Variants in CATSPER3 observed in about 807,000 individuals in gnomAD.
CATSPER3 encodes cation channel sperm-associated protein 3.
A neutral mutation model predicts 36.6 loss-of-function variants in CATSPER3; 23 were observed. That is an observed-to-expected ratio of 0.63 (90% confidence interval 0.45 to 0.89). The LOEUF is 0.89. CATSPER3 is among the 40% of genes least tolerant of loss of function. CATSPER3 has a pLI of 0.00. For missense variants in CATSPER3, 474 were observed against 503.9 expected (o/e 0.94, Z 0.57); for synonymous variants, 172 against 184.1 (o/e 0.93, Z 0.53).
chr5:134,968,050 C>T lies in CATSPER3; in HGVS notation c.59C>T (p.Thr20Ile). 1 of 1,613,954 alleles carries T rather than the reference C, an allele frequency of 6.2e-7. No homozygotes were observed. Among genetic ancestry groups the T allele is most frequent in the Non-Finnish European group, 8.5e-7 (1 of 1,179,798 alleles). Residue 20 changes from threonine (T) to isoleucine (I), a missense_variant, in exon 1 of 8, where the codon ACT becomes ATT. Physicochemically the swap from Thr to Ile is moderately conservative, Grantham distance 89. Transcript: ENST00000282611. ...SRVISSSPVD[T>I]TSVGFCPTFK... ...GTCATTTCTAGTTCACCAGTTGACA[C>T]TACATCGGTGGGATTTTGCCCAACA...
rs547557093 is a variant in CATSPER3 at position 134,967,917 on chromosome 5, C to T, written c.-75C>T. 98 of 1,122,448 alleles carry T rather than the reference C, an allele frequency of 8.7e-5. No homozygotes were observed. Among genetic ancestry groups the T allele is most frequent in the South Asian group, 7.0e-4 (56 of 79,534 alleles). 69.5% of individuals were successfully genotyped at this position (1,122,448 alleles called of 1,614,324 possible). A position where few individuals can be genotyped will look rare whatever the true frequency, so the allele number is the denominator to read the frequency against. On this transcript the variant is annotated 5_prime_UTR_variant, in exon 1 of 8. It adds an upstream start codon to the 5' untranslated region. Coordinates refer to ENST00000282611, the MANE Select transcript of CATSPER3 (RefSeq NM_178019.3). ...TCTCTGCTGCCTCTCAGAATCCAGA[C>T]GCTAAGGAAAATCCCTAAGCAGAGA...
chr5:135,008,205 C>T (rs533390030), intron 4 of CATSPER3, 66 bp downstream of exon 4: 15 of 1,361,218 alleles, frequency 1.1e-5, no homozygotes, highest in Middle Eastern at 1.9e-4. Flanking sequence ...GTGGTGCAAG[C>T]GTGTGGACAT....
At position 135,009,460 on chromosome 5, in the gene CATSPER3, G is replaced by A. The variant is rs1296416061; in HGVS notation, c.906G>A (p.Gln302=). 2 of 1,568,398 alleles carry A rather than the reference G, an allele frequency of 1.3e-6. No individual in the cohort carries two copies. The highest frequency in any genetic ancestry group is 2.2e-5 in the South Asian group (2 of 89,710). The change falls in exon 6 of 8, where the codon CAG becomes CAA. Residue 302 remains glutamine, a synonymous_variant. Transcript: ENST00000282611. Reference sequence around the variant, plus strand: ...AGCAGGTGATTCTGCAGCGGCAGCAGGAGGAGATCAGCAGGCTGATGCACA... The same window carrying A: ...AGCAGGTGATTCTGCAGCGGCAGCAAGAGGAGATCAGCAGGCTGATGCACA... The part of the protein sequence containing the change: ...GEKQVILQRQ[Q]EEISRLMHIQ...
chr5:134,979,733 T>G (rs939501461), intron 2 of CATSPER3, among the ~76,000 whole-genome samples: 3 of 152,158 alleles, frequency 2.0e-5, no homozygotes, highest in African/African-American at 7.2e-5. Context: ...TAGAAAGCAT[T>G]CATGCCCAAG....
At chr5:134,974,172 G>T (rs1231394891) in intron 2 of CATSPER3, among the ~76,000 whole-genome samples, 1 of 152,138 alleles carries the variant, frequency 6.6e-6, no homozygotes, top group African/African-American at 2.4e-5. Flanking sequence ...AAATATGGAG[G>T]CCAGAGGGAT....
chr5:134,971,354 G>A (rs1037977939), intron 2 of CATSPER3, among the ~76,000 whole-genome samples: 4 of 151,936 alleles, frequency 2.6e-5, no homozygotes, highest in Non-Finnish European at 1.5e-5. Flanking sequence ...CTGGGAGTTC[G>A]AGGCTGCAGT....
intron 2 of CATSPER3, among the ~76,000 whole-genome samples, chr5:134,991,814 A>G (rs923621881): frequency 3.9e-5 from 6 of 152,212 alleles, no homozygotes; most frequent in Admixed American, 2.0e-4. Flanking sequence ...TAAAACATTC[A>G]TGCATCTAAG....
chr5:135,007,324 A>G (rs528533385), intron 3 of CATSPER3, among the ~76,000 whole-genome samples: 1 of 152,298 alleles, frequency 6.6e-6, no homozygotes, highest in African/African-American at 2.4e-5. Flanking sequence ...ACATGCATTG[A>G]GTGACTACTG....
intron 2 of CATSPER3, among the ~76,000 whole-genome samples, chr5:134,991,723 GATTT>G (rs1751881336): frequency 6.6e-6 from 1 of 152,114 alleles, no homozygotes; most frequent in East Asian, 1.9e-4. Context: ...CATGACCTTG[GATTT>G]GGTAATGGAT....
At chr5:134,979,003 T>C (rs1455125726) in intron 2 of CATSPER3, among the ~76,000 whole-genome samples, 1 of 152,224 alleles carries the variant, frequency 6.6e-6, no homozygotes, top group Non-Finnish European at 1.5e-5. Flanking sequence ...ATTACAGGCA[T>C]GAGCCACCGT....
chr5:134,985,245 A>G lies in CATSPER3; in HGVS notation c.253-11028A>G, dbSNP rs890906791. On this transcript the variant is annotated intron_variant, in intron 2 of 7. Transcript: ENST00000282611. ...ATACACGATGAAATACTACTCAGCC[A>G]TTAAAAAAGAACAAAAGAATGTCTT... 6.6e-5 allele frequency among the ~76,000 whole-genome samples: 10 copies of G among 152,374 alleles called. No homozygotes were observed. The East Asian group carries it at 1.9e-3, about 29-fold the overall frequency.
intron 1 of CATSPER3, chr5:134,968,644 T>TCG: frequency 1.3e-5 from 2 of 152,812 alleles, no homozygotes; most frequent in Non-Finnish European, 2.9e-5. Flanking sequence ...TGAGCCAAGA[T>TCG]TGCACCACTG....
At position 135,004,028 on chromosome 5, in the gene CATSPER3, C is replaced by T. The variant is rs112847974; in HGVS notation, c.493-3929C>T. ...CCTCAGTTGGAAATGCAGAAATTAC[C>T]CATCTTCTGCGTCACTCACACTGGG... On this transcript the variant is annotated intron_variant, in intron 3 of 7. Coordinates refer to ENST00000282611, the MANE Select transcript of CATSPER3 (RefSeq NM_178019.3). Among the ~76,000 whole-genome samples, 1,119 of 152,316 alleles carry T rather than the reference C, an allele frequency of 7.3e-3. 20 individuals carry two copies. The highest frequency in any genetic ancestry group is 0.026 in the African/African-American group (1,067 of 41,568).
intron 2 of CATSPER3, among the ~76,000 whole-genome samples, chr5:134,985,995 G>A (rs1286131372): frequency 2.0e-5 from 3 of 151,474 alleles, no homozygotes; most frequent in Non-Finnish European, 4.4e-5. Context: ...CACACACACA[G>A]CCATATATAT....
At chr5:134,976,900 C>T (rs1246054527) in intron 2 of CATSPER3, among the ~76,000 whole-genome samples, 2 of 152,248 alleles carry the variant, frequency 1.3e-5, no homozygotes, top group Non-Finnish European at 2.9e-5. Context: ...GGTTCCAGAG[C>T]AGACCTTATT....
intron 2 of CATSPER3, among the ~76,000 whole-genome samples, chr5:134,984,248 CCAAAAG>C (rs1438877482): frequency 6.6e-6 from 1 of 152,082 alleles, no homozygotes; most frequent in Non-Finnish European, 1.5e-5. Flanking sequence ...GATTGAGACC[CCAAAAG>C]CAAATGCAAC....
At chr5:135,007,574 G>T (rs1752104183) in intron 3 of CATSPER3, among the ~76,000 whole-genome samples, 1 of 152,164 alleles carries the variant, frequency 6.6e-6, no homozygotes, top group African/African-American at 2.4e-5. Flanking sequence ...TGGGCCCGGG[G>T]CAGAGAGCAT....
intron 3 of CATSPER3, among the ~76,000 whole-genome samples, chr5:135,003,708 T>G (rs1267709263): frequency 6.6e-6 from 1 of 152,238 alleles, no homozygotes; most frequent in Non-Finnish European, 1.5e-5. Flanking sequence ...CAGACTGCTG[T>G]GCTAGCAATA....
Position 134,996,364 on chromosome 5 carries a change from A to AC in CATSPER3, c.346dup (p.Leu116ProfsTer31). On this transcript the variant is annotated frameshift_variant, in exon 3 of 8. Coordinates refer to ENST00000282611, the MANE Select transcript of CATSPER3 (RefSeq NM_178019.3). LOFTEE classifies it high-confidence loss of function. The stretch of plus-strand genomic sequence containing the variant: ...ATCAACTACTGGAAGAACGGCTACA[A>AC]CCTGCTGGATGTGATCATTATCATC... The AC allele has an allele frequency of 6.2e-7, 1 of 1,614,206 alleles. No homozygotes were observed. Among genetic ancestry groups the AC allele is most frequent in the Non-Finnish European group, 8.5e-7 (1 of 1,180,020 alleles).
Sources: gnomAD v4.1 joint callset for allele counts (sites outside exome capture counted in the v4.1 genomes callset) on GRCh38, gnomAD v4.1.1 for gene constraint, MANE v1.5 for transcripts, NCBI Gene and HGNC (gene_info 2026-07-23, HGNC 2026-07-21) for gene names.